AFF3: variants seen among roughly 807,000 people sequenced by gnomAD.
AFF3 encodes ALF transcription elongation factor 3.
A neutral mutation model predicts 129.7 loss-of-function variants in AFF3; 32 were observed. The ratio of observed to expected loss-of-function variants is 0.25; its 90% CI spans 0.19 to 0.33. AFF3 has a LOEUF of 0.33. AFF3 is among the 10% of genes least tolerant of loss of function. AFF3 has a pLI of 1.00. For missense variants in AFF3, 1,373 were observed against 1,592.0 expected, an observed-to-expected ratio of 0.86 and a Z score of 2.34; for synonymous variants, 644 against 635.4, an observed-to-expected ratio of 1.01 and a Z score of -0.20.
chr2:99,910,678 GT>G (rs1416083051), intron 7 of AFF3, among the ~76,000 whole-genome samples: 6 of 152,214 alleles, frequency 3.9e-5, no homozygotes, highest in African/African-American at 1.4e-4. Context: ...AGCCCTTCGA[GT>G]TTCTCTTTTA....
At chr2:99,816,487 C>G (rs760608850) in intron 8 of AFF3, among the ~76,000 whole-genome samples, 4 of 152,172 alleles carry the variant, frequency 2.6e-5, no homozygotes, top group East Asian at 1.9e-4. Context: ...GATGAGGATG[C>G]CTTCCTCCTC....
chr2:100,030,413 G>A (rs1684400122), intron 4 of AFF3, among the ~76,000 whole-genome samples: 1 of 152,178 alleles, frequency 6.6e-6, no homozygotes, highest in Admixed American at 6.5e-5. Flanking sequence ...GAGCTGGCTG[G>A]AATATAAGCA....
At chr2:100,104,307 C>T in intron 4 of AFF3, 95 bp downstream of exon 4, 1 of 262,608 alleles carries the variant, frequency 3.8e-6, no homozygotes, top group Non-Finnish European at 5.8e-6. Context: ...GGCGGCCGGC[C>T]GCCCGGAGCC....
rs527479062 is a variant in AFF3 at position 99,969,886 on chromosome 2, C to A, written c.873+36746G>T. On this transcript the variant is annotated intron_variant, in intron 7 of 24. Transcript: ENST00000672756. ...CTAAGTCTGAATATCCATTTAGTAT[C>A]TTTTATAATTAGAACTTATGAAATT... Among the ~76,000 whole-genome samples, 7 of 152,252 alleles carry A rather than the reference C, an allele frequency of 4.6e-5. No homozygotes were observed. In the East Asian group the frequency reaches 1.2e-3, roughly 25 times the overall value.
rs553613443 is a variant in AFF3 at position 99,563,577 on chromosome 2, G to A, written c.3119+1910C>T. On this transcript the variant is annotated intron_variant, in intron 20 of 24. Transcript: ENST00000672756. ...TGTAATCTCAGCACTTTGGGAGGCC[G>A]AAGCAGGCAGAGCACCTGAGGTCAG... is the stretch of plus-strand genomic sequence containing the variant. Among the ~76,000 whole-genome samples the A allele has an allele frequency of 3.0e-3, 455 of 151,326 alleles. 3 individuals carry two copies. Among genetic ancestry groups the A allele is most frequent in the South Asian group, 8.8e-3 (42 of 4,798 alleles).
chr2:100,122,826 G>A (rs1692035227), intron 2 of AFF3, among the ~76,000 whole-genome samples: 1 of 152,092 alleles, frequency 6.6e-6, no homozygotes, highest in African/African-American at 2.4e-5. Flanking sequence ...GAGAATACCG[G>A]CAACAAAGAA....
At chr2:99,781,031 G>A (rs1038327827) in intron 8 of AFF3, among the ~76,000 whole-genome samples, 4 of 152,126 alleles carry the variant, frequency 2.6e-5, no homozygotes, top group African/African-American at 9.7e-5. Flanking sequence ...TGAAACCCAA[G>A]GTTCTTGGAT....
At chr2:100,090,349 G>A (rs58928934) in intron 4 of AFF3, among the ~76,000 whole-genome samples, 3,800 of 152,236 alleles carry the variant, frequency 0.025, 92 homozygotes, top group African/African-American at 0.086. Flanking sequence ...GTGGCAAACA[G>A]TTGTTACCAT....
chr2:100,038,863 C>A (rs1377650903), intron 4 of AFF3, among the ~76,000 whole-genome samples: 1 of 151,918 alleles, frequency 6.6e-6, no homozygotes, highest in African/African-American at 2.4e-5. Flanking sequence ...GCTGGGATTA[C>A]AGGTGCCCAC....
intron 7 of AFF3, among the ~76,000 whole-genome samples, chr2:99,860,336 G>A (rs945819604): frequency 5.3e-5 from 8 of 152,058 alleles, no homozygotes; most frequent in Non-Finnish European, 1.0e-4. Context: ...GGCAGATCAC[G>A]AGGTCAGGAG....
chr2:99,789,442 T>A (rs1575989930), intron 8 of AFF3, among the ~76,000 whole-genome samples: 1 of 68,220 alleles, frequency 1.5e-5, no homozygotes. Flanking sequence ...TGAGGCCCTG[T>A]CACCAAAAAA....
At chr2:100,031,138 G>A (rs1461291682) in intron 4 of AFF3, among the ~76,000 whole-genome samples, 1 of 152,080 alleles carries the variant, frequency 6.6e-6, no homozygotes, top group African/African-American at 2.4e-5. Flanking sequence ...GTAAAAAAAA[G>A]ACAAAAGGAA....
chr2:99,744,013 T>G, intron 10 of AFF3, 91 bp downstream of exon 10: 1 of 1,136,448 alleles, frequency 8.8e-7, no homozygotes, highest in Non-Finnish European at 1.3e-6. Flanking sequence ...TGAAACCTAC[T>G]GTCCAATGTG....
At chr2:99,670,149 G>A (rs973231683) in intron 12 of AFF3, among the ~76,000 whole-genome samples, 2 of 152,140 alleles carry the variant, frequency 1.3e-5, no homozygotes, top group African/African-American at 2.4e-5. Context: ...AAGTGGGGCC[G>A]CTGTGCTCTT....
rs534351319 is a variant in AFF3 at position 99,594,348 on chromosome 2, G to A, written c.1372-59C>T. 29 of 1,536,344 alleles carry A rather than the reference G, an allele frequency of 1.9e-5. 1 individual carries two copies. In the East Asian group the frequency reaches 3.8e-4, roughly 20 times the overall value. On this transcript the variant is annotated intron_variant, in intron 14 of 24. Transcript: ENST00000672756. Reference sequence around the variant, plus strand: ...CTTTCATTACAGGCTCACTTAAAAGGGGCCTGGCTGTTTTTATCTTGACTT... The same window carrying A: ...CTTTCATTACAGGCTCACTTAAAAGAGGCCTGGCTGTTTTTATCTTGACTT...
chr2:99,653,450 T>C (rs903025262), intron 12 of AFF3, among the ~76,000 whole-genome samples: 1 of 152,260 alleles, frequency 6.6e-6, no homozygotes, highest in African/African-American at 2.4e-5. Flanking sequence ...CTCCAAACAA[T>C]TCCTGCTGAC....
chr2:99,701,425 T>G (rs1431105693), intron 11 of AFF3, among the ~76,000 whole-genome samples: 1 of 152,176 alleles, frequency 6.6e-6, no homozygotes, highest in Non-Finnish European at 1.5e-5. Flanking sequence ...TTAGACAGAT[T>G]AAGACTAAAA....
Position 100,120,153 on chromosome 2 carries a change from G to A in AFF3, c.-145+9071C>T, listed in dbSNP as rs148941213. 5.8e-3 allele frequency among the ~76,000 whole-genome samples: 890 copies of A among 152,300 alleles called. 17 individuals are homozygous for A. Among genetic ancestry groups the A allele is most frequent in the Non-Finnish European group, 3.9e-3 (264 of 68,028 alleles). The stretch of plus-strand genomic sequence containing the variant: ...GAAGTAGCTTCTTAGAGAGGCTTAC[G>A]ATTGACAAAATGGAAGGCGACACAC... On this transcript the variant is annotated intron_variant, in intron 2 of 24. Transcript: ENST00000672756.
chr2:100,134,209 C>T (rs1339040293), intron 1 of AFF3, among the ~76,000 whole-genome samples: 1 of 152,128 alleles, frequency 6.6e-6, no homozygotes, highest in African/African-American at 2.4e-5. Context: ...GGATTACCCA[C>T]AGGAAAGTTT....
Sources: allele counts gnomAD v4.1 joint callset (sites outside exome capture counted in the v4.1 genomes callset), GRCh38; gene constraint gnomAD v4.1.1; transcripts MANE v1.5; gene names NCBI Gene and HGNC (gene_info 2026-07-23, HGNC 2026-07-21).